FOXJ3: variants seen among roughly 807,000 people sequenced by gnomAD.
FOXJ3 encodes the protein forkhead box protein J3.
A neutral mutation model predicts 76.1 loss-of-function variants in FOXJ3; 22 were observed. That is an observed-to-expected ratio of 0.29 (90% CI 0.21 to 0.41). The LOEUF (loss-of-function observed/expected upper bound fraction) is 0.41, where lower values mean the gene tolerates loss of function less well. Among genes scored for constraint, FOXJ3 ranks in the 10% least tolerant of loss-of-function variants. FOXJ3 has a pLI of 1.00. For missense variants in FOXJ3, 613 were observed against 762.1 expected, an observed-to-expected ratio of 0.80 and a Z score of 2.30; for synonymous variants, 269 against 261.2, an observed-to-expected ratio of 1.03 and a Z score of -0.29.
chr1:42,193,663 A>G (rs555565216), intron 8 of FOXJ3, among the ~76,000 whole-genome samples: 2 of 152,216 alleles, frequency 1.3e-5, no homozygotes, highest in Admixed American at 6.5e-5. Flanking sequence ...TATAAATAAC[A>G]GTATATAACA....
chr1:42,176,995 CAG>C lies in FOXJ3; in HGVS notation c.*2713_*2714del, dbSNP rs1318184782. ...ATGCCAGTCGGATTATTCTCCTGAA[CAG>C]AGTGTCCCCATTTGTTTACATGCAT... On this transcript the variant is annotated 3_prime_UTR_variant, in exon 13 of 13. Transcript: ENST00000361346. 2.0e-5 allele frequency: 3 copies of C among 152,668 alleles called. No individual in the cohort carries two copies. Among genetic ancestry groups the C allele is most frequent in the Non-Finnish European group, 2.9e-5 (2 of 68,038 alleles). 9.5% of individuals were successfully genotyped at this position (152,668 alleles called of 1,614,324 possible).
Position 42,291,697 on chromosome 1 carries a change from C to A in FOXJ3, c.45-13025G>T, listed in dbSNP as rs117267960. 1.5e-3 allele frequency among the ~76,000 whole-genome samples: 231 copies of A among 152,004 alleles called. 3 individuals carry two copies. The East Asian group carries it at 0.039, about 26-fold the overall frequency. On this transcript the variant is annotated intron_variant, in intron 2 of 12. Transcript: ENST00000361346. ...TGTTTCATCAAGGCAGGAAGATCGC[C>A]GGAGCCCAGGAGTTCAAGGCTGCAG...
chr1:42,192,093 A>G (rs1646560023), intron 8 of FOXJ3, among the ~76,000 whole-genome samples: 1 of 152,182 alleles, frequency 6.6e-6, no homozygotes, highest in African/African-American at 2.4e-5. Flanking sequence ...GTTCGGGGAA[A>G]AGTGGGAAAG....
intron 2 of FOXJ3, among the ~76,000 whole-genome samples, chr1:42,304,274 T>C (rs1457276948): frequency 1.3e-5 from 2 of 151,744 alleles, no homozygotes; most frequent in East Asian, 1.9e-4. Context: ...AAAGGAAAGA[T>C]AGTCCACGTT....
intron 1 of FOXJ3, among the ~76,000 whole-genome samples, chr1:42,312,191 A>G (rs979940564): frequency 6.6e-6 from 1 of 152,186 alleles, no homozygotes; most frequent in African/African-American, 2.4e-5. Flanking sequence ...AAACAAAAAA[A>G]TCCAAAATTT....
intron 4 of FOXJ3, among the ~76,000 whole-genome samples, chr1:42,252,208 CTCCTTG>C (rs1650145725): frequency 2.0e-5 from 3 of 152,106 alleles, no homozygotes; most frequent in Admixed American, 1.3e-4. Context: ...GTACCAGTTC[CTCCTTG>C]TATCTCTGGT....
Position 42,181,934 on chromosome 1 carries a change from G to A in FOXJ3, c.1736C>T (p.Pro579Leu). The A allele has an allele frequency of 6.2e-7, 1 of 1,609,270 alleles. No homozygotes were observed. The highest frequency in any genetic ancestry group is 8.5e-7 in the Non-Finnish European group (1 of 1,176,264). Residue 579 changes from proline (P) to leucine (L), a missense_variant, in exon 12 of 13, where the codon CCA (proline) becomes CTA (leucine). Physicochemically the swap from Pro to Leu is moderately conservative, Grantham distance 98 (BLOSUM62 -3). Transcript: ENST00000361346. ...TCTCTTACCTGCCATCGTTGTTCCT[G>A]GAGTGCTGAGTGCCTGTGGGATATG... The part of the protein sequence containing the change: ...YPHIPQALST[P>L]GTTMAGHHRA...
intron 1 of FOXJ3, among the ~76,000 whole-genome samples, chr1:42,333,439 C>A (rs990513179): frequency 1.8e-4 from 27 of 152,236 alleles, no homozygotes; most frequent in African/African-American, 6.0e-4. Flanking sequence ...GCATGAGAAA[C>A]TTCCCAGTTT....
At chr1:42,309,222 T>C (rs1570224469) in intron 2 of FOXJ3, among the ~76,000 whole-genome samples, 1 of 152,138 alleles carries the variant, frequency 6.6e-6, no homozygotes, top group African/African-American at 2.4e-5. Context: ...CCTTCTGCCC[T>C]CCAAAGCTGG....
chr1:42,189,855 CAA>C (rs1306568128), intron 9 of FOXJ3: 2 of 156,046 alleles, frequency 1.3e-5, no homozygotes, highest in African/African-American at 2.4e-5. Flanking sequence ...TTAAAAAACT[CAA>C]GAGAGGCAGG....
At chr1:42,287,258 T>C (rs1653120007) in intron 2 of FOXJ3, among the ~76,000 whole-genome samples, 1 of 151,958 alleles carries the variant, frequency 6.6e-6, no homozygotes, top group Non-Finnish European at 1.5e-5. Context: ...GAGAATCGCA[T>C]GAACCCAGGA....
chr1:42,247,592 T>C (rs1014585787), intron 4 of FOXJ3, among the ~76,000 whole-genome samples: 52 of 152,182 alleles, frequency 3.4e-4, no homozygotes, highest in African/African-American at 1.2e-3. Flanking sequence ...GAGGTATCAT[T>C]TTATACCCGC....
intron 3 of FOXJ3, among the ~76,000 whole-genome samples, chr1:42,276,643 A>G (rs1448957940): frequency 6.6e-6 from 1 of 152,182 alleles, no homozygotes; most frequent in Non-Finnish European, 1.5e-5. Context: ...AACCTATCAA[A>G]GTTGAGGACT....
intron 4 of FOXJ3, among the ~76,000 whole-genome samples, chr1:42,230,137 C>T (rs1647954944): frequency 6.6e-6 from 1 of 152,152 alleles, no homozygotes; most frequent in Admixed American, 6.5e-5. Flanking sequence ...ATCCTGAACG[C>T]CTAAATGCAA....
chr1:42,272,276 TGAA>T (rs1651919679), intron 3 of FOXJ3, among the ~76,000 whole-genome samples: 1 of 152,134 alleles, frequency 6.6e-6, no homozygotes, highest in Non-Finnish European at 1.5e-5. Context: ...CCTCCATACC[TGAA>T]GAAGAGTTAG....
intron 2 of FOXJ3, among the ~76,000 whole-genome samples, chr1:42,281,010 G>A (rs750713472): frequency 3.9e-5 from 6 of 152,092 alleles, no homozygotes; most frequent in African/African-American, 4.8e-5. Flanking sequence ...TCATACAAAA[G>A]CATATTACAA....
At chr1:42,236,398 G>A (rs147471010) in intron 4 of FOXJ3, among the ~76,000 whole-genome samples, 7 of 152,192 alleles carry the variant, frequency 4.6e-5, no homozygotes, top group Non-Finnish European at 8.8e-5. Context: ...GTCTTGCTAC[G>A]TTGCCCAAGC....
At chr1:42,290,106 G>GTC (rs1653323737) in intron 2 of FOXJ3, among the ~76,000 whole-genome samples, 7 of 152,002 alleles carry the variant, frequency 4.6e-5, no homozygotes, top group Non-Finnish European at 8.8e-5. Context: ...TGGAGGAGAA[G>GTC]AAAAAGATAG....
chr1:42,285,934 A>G (rs1165177236), intron 2 of FOXJ3, among the ~76,000 whole-genome samples: 1 of 152,212 alleles, frequency 6.6e-6, no homozygotes, highest in South Asian at 2.1e-4. Flanking sequence ...TTTTCAAATC[A>G]CAAGAAGTCA....
Sources: gnomAD v4.1 joint callset for allele counts (sites outside exome capture counted in the v4.1 genomes callset) on GRCh38, gnomAD v4.1.1 for gene constraint, MANE v1.5 for transcripts, NCBI Gene and HGNC (gene_info 2026-07-23, HGNC 2026-07-21) for gene names.